The following PZP variants were observed in gnomAD, a reference collection of about 807,000 sequenced individuals.
The protein encoded by PZP is PZP alpha-2-macroglobulin like, also known as pregnancy zone protein.
Under a neutral mutation model 179.8 loss-of-function variants are expected in PZP, and 150 were observed. That is an observed-to-expected ratio of 0.83 (90% CI 0.73 to 0.96). The LOEUF (loss-of-function observed/expected upper bound fraction) is 0.96. Ranked by LOEUF, PZP falls within the 40% of genes least tolerant of loss-of-function variation. The probability of loss-of-function intolerance (pLI) is 0.00; values close to 1 mark genes in which losing one functional copy is unlikely to be tolerated. For missense variants in PZP, 1,689 were observed against 1,764.0 expected, an observed-to-expected ratio of 0.96 and a Z score of 0.76; for synonymous variants, 624 against 652.3, an observed-to-expected ratio of 0.96 and a Z score of 0.66.
chr12:9,153,731 C>G (rs1393942853), intron 29 of PZP, among the ~76,000 whole-genome samples: 1 of 152,124 alleles, frequency 6.6e-6, no homozygotes, highest in African/African-American at 2.4e-5. Context: ...AGACAAGTTG[C>G]ACTTTCTTGA....
At chr12:9,191,512 A>T (rs533138595) in intron 13 of PZP, among the ~76,000 whole-genome samples, 1 of 152,156 alleles carries the variant, frequency 6.6e-6, no homozygotes, top group African/African-American at 2.4e-5. Context: ...TTAATATTTA[A>T]TTTTTCCAGC....
the PZP span, among the ~76,000 whole-genome samples, chr12:9,138,390 C>T: frequency 6.6e-6 from 1 of 151,834 alleles, no homozygotes; most frequent in East Asian, 1.9e-4. Context: ...CTTTAATGTG[C>T]TGTTGGATTC....
chr12:9,161,053 C>G lies in PZP; in HGVS notation c.2852G>C (p.Arg951Thr). 3 of 1,598,222 alleles carry G rather than the reference C, an allele frequency of 1.9e-6. No individual in the cohort carries two copies. The highest frequency in any genetic ancestry group is 2.6e-6 in the Non-Finnish European group (3 of 1,165,628). Reference protein sequence around the residue: ...LPSNVVKESARASFSVLGDIL... With the variant: ...LPSNVVKESATASFSVLGDIL... ...CTCACCCAGAACTGAGAAAGAAGCT[C>G]TGGCAGATTCTTTGACCACATTTGA... Residue 951 changes from arginine (R) to threonine (T), a missense_variant, in exon 23 of 36, where the codon AGA becomes ACA. Physicochemically the swap from Arg to Thr is moderately conservative, Grantham distance 71. Transcript: ENST00000261336.
intron 7 of PZP, among the ~76,000 whole-genome samples, chr12:9,198,827 A>T (rs184000614): frequency 6.6e-6 from 1 of 152,206 alleles, no homozygotes; most frequent in Non-Finnish European, 1.5e-5. Context: ...CTACGGCACT[A>T]TTAATTTGGA....
intron 13 of PZP, among the ~76,000 whole-genome samples, chr12:9,183,916 T>C (rs1353539238): frequency 1.3e-5 from 2 of 152,172 alleles, no homozygotes; most frequent in African/African-American, 4.8e-5. Flanking sequence ...GCCATTCATA[T>C]TTGTGTTCAG....
intron 13 of PZP, among the ~76,000 whole-genome samples, chr12:9,191,940 G>A (rs1223959836): frequency 6.6e-6 from 1 of 152,060 alleles, no homozygotes; most frequent in African/African-American, 2.4e-5. Flanking sequence ...GCTTTGTTTT[G>A]CTGTTAGAAG....
chr12:9,196,932 T>A, intron 8 of PZP, 80 bp downstream of exon 8: 1 of 1,116,686 alleles, frequency 9.0e-7, no homozygotes, highest in Non-Finnish European at 1.3e-6. Context: ...CTTGTCCTGA[T>A]GCCCTCTTTC....
At chr12:9,142,794 C>T in the PZP span, among the ~76,000 whole-genome samples, 1 of 152,082 alleles carries the variant, frequency 6.6e-6, no homozygotes, top group East Asian at 1.9e-4. Flanking sequence ...GAGACAAAGA[C>T]AGATTTTGAG....
intron 15 of PZP, among the ~76,000 whole-genome samples, chr12:9,172,508 T>G (rs1256212780): frequency 6.6e-6 from 1 of 152,178 alleles, no homozygotes; most frequent in East Asian, 1.9e-4. Context: ...GTAAATGGGC[T>G]AAATGCTCTA....
intron 24 of PZP, 81 bp from the exon 25 acceptor site, chr12:9,160,106 C>G: frequency 7.4e-7 from 1 of 1,344,374 alleles, no homozygotes; most frequent in Admixed American, 1.9e-5. Context: ...TGCATCCAGG[C>G]GCCATGGACA....
chr12:9,196,580 C>T lies in PZP; in HGVS notation c.973G>A (p.Glu325Lys), dbSNP rs1273289574. The T allele has an allele frequency of 3.1e-6, 5 of 1,606,432 alleles. No individual in the cohort carries two copies. The highest frequency in any genetic ancestry group is 1.7e-5 in the Admixed American group (1 of 59,982). ...KLRVEARIRE[E>K]GTDLEVTANR... is the part of the protein sequence containing the mutation. ...CGTTCATTACTCACACCTGTCCCCT[C>T]TTCTCTGATCCTGGCTTCCACTCTA... Residue 325 changes from glutamate (E) to lysine (K), a missense_variant, in exon 9 of 36, where the codon GAG becomes AAG. Transcript: ENST00000261336.
intron 5 of PZP, 48 bp downstream of exon 5, chr12:9,201,279 T>C (rs3759274): frequency 0.36 from 522,650 of 1,463,346 alleles, 95,075 homozygotes; most frequent in East Asian, 0.47. Flanking sequence ...AACCTCCTAC[T>C]CTCTAAAAGC....
chr12:9,153,206 T>G lies in PZP; in HGVS notation c.3912A>C (p.Leu1304=). The stretch of plus-strand genomic sequence containing the variant: ...CTGGCAATGAGATCTGCTGCAGTAA[T>G]AGGAGGTTGTTGTTGTCTACTTGGA... ...TNFQVDNNNL[L]LLQQISLPEL... The change falls in exon 30 of 36, where the codon CTA becomes CTC. Residue 1304 remains leucine (L), a synonymous_variant. Transcript: ENST00000261336. The G allele has an allele frequency of 6.2e-7, 1 of 1,614,198 alleles. No homozygotes were observed. The highest frequency in any genetic ancestry group is 8.5e-7 in the Non-Finnish European group (1 of 1,180,012).
intron 17 of PZP, among the ~76,000 whole-genome samples, chr12:9,167,749 G>T (rs1459215984): frequency 2.6e-5 from 4 of 151,836 alleles, no homozygotes; most frequent in African/African-American, 9.7e-5. Context: ...TTTTTCCTGA[G>T]TGTTATTATA....
rs139138013 is a variant in PZP, at chr12:9,204,854, G to A, written c.84-903C>T. On this transcript the variant is annotated intron_variant, in intron 1 of 35. Transcript: ENST00000261336. ...CTTATACCTAGTTCCCGGCACTTTG[G>A]GAGGCTGAGGCAGGAGAGTCACTTG... 6.8e-4 allele frequency among the ~76,000 whole-genome samples: 104 copies of A among 152,240 alleles called. 2 individuals carry two copies. The East Asian group carries it at 0.016, about 23-fold the overall frequency.
chr12:9,173,789 A>G (rs1398373581), intron 15 of PZP, among the ~76,000 whole-genome samples: 1 of 152,218 alleles, frequency 6.6e-6, no homozygotes, highest in Non-Finnish European at 1.5e-5. Context: ...AAGAAACTGA[A>G]TATTTGAATA....
rs1182773992 is a variant in PZP, at chr12:9,168,888, T to C, written c.2088A>G (p.Val696=). Residue 696 remains valine, a synonymous_variant, in exon 17 of 36, where the codon GTA becomes GTG. Transcript: ENST00000261336. ...SVIPSVSAGA[V]GQGYYGAGLG... is the part of the protein sequence containing the mutation. ...TTTTACCTCCATAGTATCCTTGACC[T>C]ACTGCTCCTGCAGACACGGAAGGGA... The C allele has an allele frequency of 6.2e-7, 1 of 1,613,820 alleles. No individual in the cohort carries two copies. The highest frequency in any genetic ancestry group is 8.5e-7 in the Non-Finnish European group (1 of 1,179,742).
downstream of PZP, among the ~76,000 whole-genome samples, chr12:9,145,226 G>A (rs750739322): frequency 5.3e-5 from 8 of 152,054 alleles, no homozygotes; most frequent in Non-Finnish European, 1.0e-4. Context: ...TTTTATGTTA[G>A]CCTTGTAATT....
At chr12:9,201,621 T>C (rs184014612) in intron 4 of PZP, among the ~76,000 whole-genome samples, 3 of 152,292 alleles carry the variant, frequency 2.0e-5, no homozygotes, top group Admixed American at 6.5e-5. Context: ...TAATATTATT[T>C]GGATACTAAA....
Sources: gnomAD v4.1 joint callset for allele counts (sites outside exome capture counted in the v4.1 genomes callset) on GRCh38, gnomAD v4.1.1 for gene constraint, MANE v1.5 for transcripts, NCBI Gene and HGNC (gene_info 2026-07-23, HGNC 2026-07-21) for gene names.